DNAAF1: variants seen among roughly 807,000 people sequenced by gnomAD.
DNAAF1 encodes the protein dynein assembly factor 1, axonemal.
A neutral mutation model predicts 71.1 loss-of-function variants in DNAAF1; 65 were observed. The observed-to-expected ratio is 0.91, with a 90% CI of 0.75 to 1.12. DNAAF1 has a LOEUF of 1.12. Ranked by LOEUF, DNAAF1 falls within the 50% of genes most tolerant of loss-of-function variation. The probability of loss-of-function intolerance (pLI) is 0.00; values close to 1 mark genes in which losing one functional copy is unlikely to be tolerated. For missense variants in DNAAF1, 1,178 were observed against 899.8 expected (o/e 1.31, Z -3.96); for synonymous variants, 414 against 354.6 (o/e 1.17, Z -1.88).
chr16:84,157,564 T>A (rs141350286), intron 5 of DNAAF1, among the ~76,000 whole-genome samples: 2,751 of 151,650 alleles, frequency 0.018, 84 homozygotes, highest in African/African-American at 0.063. Context: ...ACCCGTCAGG[T>A]TGCTTCCTAT....
chr16:84,156,251 T>C (rs1278339454), intron 5 of DNAAF1, among the ~76,000 whole-genome samples: 1 of 152,210 alleles, frequency 6.6e-6, no homozygotes, highest in African/African-American at 2.4e-5. Flanking sequence ...GCAAGAGCCA[T>C]TGTGCCCAAC....
chr16:84,166,035 G>GT, intron 7 of DNAAF1, 86 bp downstream of exon 7: 1 of 1,235,022 alleles, frequency 8.1e-7, no homozygotes, highest in Non-Finnish European at 1.1e-6. Flanking sequence ...TTAATCTTGG[G>GT]AATTTTTTTT....
In DNAAF1 at chr16:84,170,187, G is replaced by A. The variant is rs267604662; in HGVS notation, c.1359G>A (p.Val453=). 6.4e-5 allele frequency: 103 copies of A among 1,610,570 alleles called. No individual in the cohort carries two copies. The highest frequency in any genetic ancestry group is 8.7e-5 in the Non-Finnish European group (102 of 1,178,582). The part of the protein sequence containing the change: ...PAEAPPPPPP[V]EVKGEDGDQE... ...AGGCCCCACCACCCCCGCCACCTGT[G>A]GAGGTTAAAGGAGAGGATGGAGATC... The change falls in exon 8 of 12, where the codon GTG becomes GTA. Residue 453 remains valine, a synonymous_variant. Coordinates refer to ENST00000378553, the MANE Select transcript of DNAAF1 (RefSeq NM_178452.6).
chr16:84,171,642 G>A (rs151024933), intron 8 of DNAAF1, among the ~76,000 whole-genome samples: 3 of 152,258 alleles, frequency 2.0e-5, no homozygotes, highest in East Asian at 1.9e-4. Flanking sequence ...CTGCCCCTCC[G>A]TCTCTGAGCG....
rs1256967185 is a variant in DNAAF1, at chr16:84,166,901, C to T, written c.1030+952C>T. ...TCTCCCACACTCTCAACACTCAGCA[C>T]ACTTGTGGTCACGCAATGTGCAGGG... On this transcript the variant is annotated intron_variant, in intron 7 of 11. Coordinates refer to ENST00000378553, the MANE Select transcript of DNAAF1 (RefSeq NM_178452.6). 2.6e-5 allele frequency among the ~76,000 whole-genome samples: 4 copies of T among 152,344 alleles called. No individual in the cohort carries two copies. In the East Asian group the frequency reaches 7.7e-4, roughly 29 times the overall value.
intron 7 of DNAAF1, among the ~76,000 whole-genome samples, chr16:84,166,268 G>A (rs891117912): frequency 3.3e-5 from 5 of 151,818 alleles, no homozygotes; most frequent in African/African-American, 1.2e-4. Flanking sequence ...GTCCAGGCTC[G>A]TCTCGAACTC....
At chr16:84,164,870 C>T (rs1340825575) in intron 6 of DNAAF1, among the ~76,000 whole-genome samples, 2 of 152,216 alleles carry the variant, frequency 1.3e-5, no homozygotes, top group African/African-American at 2.4e-5. Context: ...TGTACCATTT[C>T]GCATTCCCAC....
intron 1 of DNAAF1, among the ~76,000 whole-genome samples, chr16:84,146,490 G>A (rs1273645555): frequency 6.6e-6 from 1 of 152,184 alleles, no homozygotes; most frequent in Non-Finnish European, 1.5e-5. Context: ...GCAGAGGCAG[G>A]TGGGTCACCT....
chr16:84,174,431 C>A (rs764303732), intron 9 of DNAAF1: 29 of 1,401,294 alleles, frequency 2.1e-5, no homozygotes, highest in Non-Finnish European at 2.6e-5. Context: ...ATTCTTTAAA[C>A]ACGTCACACC....
intron 9 of DNAAF1, chr16:84,174,357 C>T: frequency 1.6e-6 from 2 of 1,279,282 alleles, no homozygotes; most frequent in Admixed American, 6.8e-5. Flanking sequence ...GTTTGGGTCC[C>T]ATTATTTCCC....
At chr16:84,152,057 A>G (rs2087211026) in intron 3 of DNAAF1, among the ~76,000 whole-genome samples, 1 of 152,242 alleles carries the variant, frequency 6.6e-6, no homozygotes, top group African/African-American at 2.4e-5. Flanking sequence ...AAAGGGGCGC[A>G]GGGCCTGTGG....
At chr16:84,156,021 T>C (rs529031287) in intron 5 of DNAAF1, among the ~76,000 whole-genome samples, 220 of 152,242 alleles carry the variant, frequency 1.4e-3, no homozygotes, top group Non-Finnish European at 1.3e-3. Context: ...TAGAGTGCTG[T>C]GGCATGAACT....
At chr16:84,174,238 A>C in intron 9 of DNAAF1, 1 of 1,056,560 alleles carries the variant, frequency 9.5e-7, no homozygotes, top group Non-Finnish European at 1.1e-6. Context: ...TACCGAACAA[A>C]CACCCACAAT....
chr16:84,150,901 A>G (rs1194111236), intron 3 of DNAAF1, among the ~76,000 whole-genome samples: 1 of 152,196 alleles, frequency 6.6e-6, no homozygotes, highest in Non-Finnish European at 1.5e-5. Flanking sequence ...AGTGTGAGCC[A>G]CTGCACCCAG....
At chr16:84,148,596 C>CTCTCTCTCTTTTTTTTTTTTT in intron 1 of DNAAF1, among the ~76,000 whole-genome samples, 12 of 43,576 alleles carry the variant, frequency 2.8e-4, no homozygotes, top group African/African-American at 1.1e-3. Flanking sequence ...CTCTCTCTCT[C>CTCTCTCTCTTTTTTTTTTTTT]TTTTTTTTTT....
At chr16:84,176,335 T>C (rs988154952) in intron 11 of DNAAF1, 36 bp downstream of exon 11, 9 of 1,612,140 alleles carry the variant, frequency 5.6e-6, no homozygotes, top group African/African-American at 4.0e-5. Context: ...GTGGAGACAA[T>C]GTTGGCTCCC....
At chr16:84,146,004 G>A (rs991481359) in intron 1 of DNAAF1, among the ~76,000 whole-genome samples, 3 of 152,168 alleles carry the variant, frequency 2.0e-5, no homozygotes, top group Admixed American at 2.0e-4. Context: ...GGCTGAGGCA[G>A]GAGAATCGCT....
intron 5 of DNAAF1, among the ~76,000 whole-genome samples, chr16:84,157,891 C>T (rs974615953): frequency 1.1e-4 from 17 of 152,034 alleles, no homozygotes; most frequent in Admixed American, 7.9e-4. Flanking sequence ...CCATAAGTAC[C>T]GGGTGGCTTA....
chr16:84,169,687 C>T (rs1235329140), intron 7 of DNAAF1, among the ~76,000 whole-genome samples, 172 bp from the exon 8 acceptor site: 2 of 152,216 alleles, frequency 1.3e-5, no homozygotes, highest in Non-Finnish European at 2.9e-5. Flanking sequence ...TCCCAAAGTG[C>T]TGGGATTACA....
Sources: gnomAD v4.1 joint callset for allele counts (sites outside exome capture counted in the v4.1 genomes callset) on GRCh38, gnomAD v4.1.1 for gene constraint, MANE v1.5 for transcripts, NCBI Gene and HGNC (gene_info 2026-07-23, HGNC 2026-07-21) for gene names.